Variants in FHIT observed in about 807,000 individuals in gnomAD.
The protein encoded by FHIT is bis(5'-adenosyl)-triphosphatase.
Under a neutral mutation model 17.9 loss-of-function variants are expected in FHIT, and 19 were observed. That is an observed-to-expected ratio of 1.06 (90% CI 0.74 to 1.56). FHIT has a LOEUF of 1.56. Among genes scored for constraint, FHIT ranks in the 40% most tolerant of loss-of-function variants. The pLI is 0.00. For synonymous variants in FHIT, 81 were observed against 69.7 expected (o/e 1.16, Z -0.81); for missense variants, 248 against 189.2 (o/e 1.31, Z -1.82).
chr3:61,149,879 T>C (rs2037334853), intron 2 of FHIT, among the ~76,000 whole-genome samples: 1 of 152,008 alleles, frequency 6.6e-6, no homozygotes, highest in Admixed American at 6.6e-5. Context: ...AAAAAATGTA[T>C]ATATAAAAAA....
At chr3:60,062,164 A>G (rs1238382059) in intron 5 of FHIT, among the ~76,000 whole-genome samples, 2 of 152,150 alleles carry the variant, frequency 1.3e-5, no homozygotes, top group Non-Finnish European at 2.9e-5. Context: ...ATACCAATCA[A>G]TAAGCATTGA....
At chr3:60,561,906 A>AG in intron 4 of FHIT, among the ~76,000 whole-genome samples, 1 of 151,714 alleles carries the variant, frequency 6.6e-6, no homozygotes, top group East Asian at 2.0e-4. Flanking sequence ...AAAAAAAAAG[A>AG]AAAGAGAGAG....
chr3:60,402,231 A>C (rs1701685329), intron 5 of FHIT, among the ~76,000 whole-genome samples: 1 of 152,188 alleles, frequency 6.6e-6, no homozygotes, highest in Non-Finnish European at 1.5e-5. Flanking sequence ...TGTCACTCAC[A>C]GTTTTTCTTT....
intron 5 of FHIT, among the ~76,000 whole-genome samples, chr3:60,238,990 A>C (rs1342437010): frequency 6.6e-6 from 1 of 152,158 alleles, no homozygotes; most frequent in African/African-American, 2.4e-5. Context: ...AATTGAAGAA[A>C]ATATTTAGGA....
chr3:59,940,624 A>T (rs138841087), intron 7 of FHIT, among the ~76,000 whole-genome samples: 2 of 152,200 alleles, frequency 1.3e-5, no homozygotes, highest in South Asian at 4.1e-4. Context: ...ATCGAGCTCT[A>T]AAGTCAGATG....
intron 4 of FHIT, among the ~76,000 whole-genome samples, chr3:60,628,058 G>A (rs2039339963): frequency 1.3e-5 from 2 of 152,222 alleles, no homozygotes; most frequent in East Asian, 3.9e-4. Flanking sequence ...TTACTGATTT[G>A]AGATTTTTTA....
chr3:60,417,727 C>T (rs993635167), intron 5 of FHIT, among the ~76,000 whole-genome samples: 3 of 152,102 alleles, frequency 2.0e-5, no homozygotes, highest in African/African-American at 7.2e-5. Context: ...CTAACCAGAT[C>T]AGAGAAGAAA....
intron 5 of FHIT, among the ~76,000 whole-genome samples, chr3:60,346,533 A>G (rs997197482): frequency 3.3e-5 from 5 of 152,130 alleles, no homozygotes; most frequent in Admixed American, 6.6e-5. Flanking sequence ...CCTGGAATCG[A>G]TCTATGAGAT....
intron 5 of FHIT, among the ~76,000 whole-genome samples, chr3:60,352,345 G>A (rs1427306436): frequency 6.6e-6 from 1 of 152,028 alleles, no homozygotes; most frequent in Non-Finnish European, 1.5e-5. Flanking sequence ...ACGAAACTAA[G>A]AATTGTACAA....
At chr3:60,419,025 C>G (rs1277303656) in intron 5 of FHIT, among the ~76,000 whole-genome samples, 1 of 152,176 alleles carries the variant, frequency 6.6e-6, no homozygotes, top group Non-Finnish European at 1.5e-5. Flanking sequence ...TGACCTTCAT[C>G]ATCTTCACAA....
chr3:60,875,316 A>AC (rs1488519105), intron 3 of FHIT, among the ~76,000 whole-genome samples: 2 of 152,170 alleles, frequency 1.3e-5, no homozygotes, highest in Non-Finnish European at 2.9e-5. Context: ...CTCTTGGGCT[A>AC]CCCTGTTACA....
intron 5 of FHIT, among the ~76,000 whole-genome samples, chr3:60,308,442 T>C (rs972337855): frequency 2.6e-5 from 4 of 151,518 alleles, no homozygotes; most frequent in Non-Finnish European, 4.4e-5. Flanking sequence ...CCTTTCTGTA[T>C]CTAACCCAAC....
rs140070786 is a variant in FHIT at position 60,770,338 on chromosome 3, G to A, written c.-18+51581C>T. ...AAGGGATCAGAGCGAAATTTGTCTCGCGTGGCTGCCCAATATCCTCTGGAT... is the reference window on the plus strand; with the variant it reads ...AAGGGATCAGAGCGAAATTTGTCTCACGTGGCTGCCCAATATCCTCTGGAT... On this transcript the variant is annotated intron_variant, in intron 4 of 9. Coordinates refer to ENST00000492590, the MANE Select transcript of FHIT (RefSeq NM_002012.4). Among the ~76,000 whole-genome samples, 20 of 151,584 alleles carry A rather than the reference G, an allele frequency of 1.3e-4. 1 individual carries two copies. The highest frequency in any genetic ancestry group is 5.8e-4 in the East Asian group (3 of 5,174).
intron 4 of FHIT, among the ~76,000 whole-genome samples, chr3:60,737,604 G>A (rs34287614): frequency 0.064 from 9,721 of 152,248 alleles, 423 homozygotes; most frequent in East Asian, 0.22. Flanking sequence ...AGAGTGGAAG[G>A]ATGATAACAT....
rs1413916134 is a variant in FHIT at position 59,922,398 on chromosome 3, AC to A, written c.295del (p.Val99PhefsTer80). ...AAAGTCTCCAGCCTTCCTGGGAAGA[AC>A]ATGGACGTGAACGTGCTGAAAATGT... ...GQTVKHVHVH[V>X]LPRKAGDFHR... On this transcript the variant is annotated frameshift_variant, in exon 8 of 10. Coordinates refer to ENST00000492590, the MANE Select transcript of FHIT (RefSeq NM_002012.4). LOFTEE classifies it high-confidence loss of function. 5 of 1,613,936 alleles carry A rather than the reference AC, an allele frequency of 3.1e-6. No homozygotes were observed. Among genetic ancestry groups the A allele is most frequent in the Non-Finnish European group, 4.2e-6 (5 of 1,179,876 alleles).
At chr3:60,820,566 T>C (rs1486059779) in intron 4 of FHIT, among the ~76,000 whole-genome samples, 2 of 152,152 alleles carry the variant, frequency 1.3e-5, no homozygotes, top group African/African-American at 4.8e-5. Flanking sequence ...TGTCTCACAG[T>C]TCTACAACTC....
intron 7 of FHIT, among the ~76,000 whole-genome samples, chr3:60,008,601 A>T (rs768154255): frequency 6.6e-6 from 1 of 152,206 alleles, no homozygotes; most frequent in Non-Finnish European, 1.5e-5. Context: ...ACCACTCAGC[A>T]TGAGACAAAA....
At chr3:60,740,930 TTTTTG>T (rs2042227635) in intron 4 of FHIT, among the ~76,000 whole-genome samples, 1 of 152,170 alleles carries the variant, frequency 6.6e-6, no homozygotes, top group African/African-American at 2.4e-5. Flanking sequence ...TTTGTTTTGT[TTTTTG>T]TTTTGAGGCA....
rs551702601 is a variant in FHIT, at chr3:59,960,356, G to A, written c.280-37942C>T. 2.2e-3 allele frequency among the ~76,000 whole-genome samples: 336 copies of A among 152,296 alleles called. 3 individuals carry two copies. The highest frequency in any genetic ancestry group is 6.8e-3 in the Middle Eastern group (2 of 294). ...AATCTAAAGCACTTACTGATAAATT[G>A]GATTTGGGAAGATGAGGAAGCAGGA... On this transcript the variant is annotated intron_variant, in intron 7 of 9. Coordinates refer to ENST00000492590, the MANE Select transcript of FHIT (RefSeq NM_002012.4).
Sources: allele counts gnomAD v4.1 joint callset (sites outside exome capture counted in the v4.1 genomes callset), GRCh38; gene constraint gnomAD v4.1.1; transcripts MANE v1.5; gene names NCBI Gene and HGNC (gene_info 2026-07-23, HGNC 2026-07-21).